The following FGF14 variants were observed in gnomAD, a reference collection of about 807,000 sequenced individuals.
FGF14 encodes the protein fibroblast growth factor 14.
FGF14 carries 5 observed loss-of-function variants against 25.5 expected under a neutral mutation model. That is an observed-to-expected ratio of 0.20 (90% CI 0.10 to 0.41). The LOEUF is 0.41. Among genes scored for constraint, FGF14 ranks in the 10% least tolerant of loss-of-function variants. The pLI, the probability that FGF14 is intolerant of heterozygous loss-of-function variation, is 1.00. For synonymous variants in FGF14, 138 were observed against 118.3 expected, an observed-to-expected ratio of 1.17 and a Z score of -1.08; for missense variants, 222 against 320.1, an observed-to-expected ratio of 0.69 and a Z score of 2.34.
In FGF14 at chr13:101,735,709, C is replaced by T. The variant is rs557884905; in HGVS notation, c.409-8899G>A. Among the ~76,000 whole-genome samples the T allele has an allele frequency of 6.8e-4, 103 of 151,688 alleles. 2 individuals carry two copies. The highest frequency in any genetic ancestry group is 2.3e-3 in the African/African-American group (97 of 41,402). On this transcript the variant is annotated intron_variant, in intron 3 of 4. Transcript: ENST00000376143. ...AAGCTCATTGTTGTTATTAACTCCCCAGGAAGGGGTAGAATGGGATGAGGG... is the reference window on the plus strand; with the variant it reads ...AAGCTCATTGTTGTTATTAACTCCCTAGGAAGGGGTAGAATGGGATGAGGG...
At chr13:102,224,806 C>T (rs2050762462) in intron 1 of FGF14, among the ~76,000 whole-genome samples, 1 of 152,092 alleles carries the variant, frequency 6.6e-6, no homozygotes, top group East Asian at 1.9e-4. Context: ...CCTTGATGAA[C>T]AATAATCATG....
chr13:102,208,183 G>A (rs1275947053), intron 1 of FGF14, among the ~76,000 whole-genome samples: 5 of 152,126 alleles, frequency 3.3e-5, no homozygotes, highest in Non-Finnish European at 4.4e-5. Context: ...AGGCAGAATC[G>A]CTCCACTCAA....
At chr13:102,355,877 T>A (rs561641332) in intron 1 of FGF14, among the ~76,000 whole-genome samples, 1 of 152,254 alleles carries the variant, frequency 6.6e-6, no homozygotes, top group African/African-American at 2.4e-5. Flanking sequence ...CAATTATAGA[T>A]TATCTTAGGA....
At chr13:102,182,344 G>T (rs2048710795) in intron 1 of FGF14, among the ~76,000 whole-genome samples, 2 of 152,140 alleles carry the variant, frequency 1.3e-5, no homozygotes, top group East Asian at 3.9e-4. Context: ...CTCTGGAGGG[G>T]CAGAGCCCTG....
chr13:102,032,903 A>C (rs1402753941), intron 1 of FGF14, among the ~76,000 whole-genome samples: 1 of 152,116 alleles, frequency 6.6e-6, no homozygotes, highest in Non-Finnish European at 1.5e-5. Context: ...AGCTTTCTTC[A>C]TGAAGCCTAC....
intron 1 of FGF14, among the ~76,000 whole-genome samples, chr13:102,075,526 TGCA>T (rs2043324530): frequency 6.6e-6 from 1 of 152,238 alleles, no homozygotes; most frequent in Admixed American, 6.5e-5. Context: ...ATGTAACACA[TGCA>T]ATTATGTACA....
intron 3 of FGF14, among the ~76,000 whole-genome samples, chr13:101,792,960 A>G (rs146730232): frequency 6.6e-6 from 1 of 152,266 alleles, no homozygotes; most frequent in Admixed American, 6.5e-5. Flanking sequence ...TGGAATTATT[A>G]AATCAAGCTA....
At chr13:101,765,721 TA>T (rs1317411583) in intron 3 of FGF14, among the ~76,000 whole-genome samples, 1 of 142,482 alleles carries the variant, frequency 7.0e-6, no homozygotes, top group Admixed American at 6.9e-5. Flanking sequence ...ATTATTATTT[TA>T]TTTATTTATT....
chr13:101,747,751 T>C (rs2036982148), intron 3 of FGF14, among the ~76,000 whole-genome samples: 1 of 151,872 alleles, frequency 6.6e-6, no homozygotes, highest in Non-Finnish European at 1.5e-5. Flanking sequence ...ACATGCAGAA[T>C]CTACAAGGAA....
At chr13:102,047,411 C>G (rs2042032654) in intron 1 of FGF14, among the ~76,000 whole-genome samples, 1 of 152,052 alleles carries the variant, frequency 6.6e-6, no homozygotes, top group Non-Finnish European at 1.5e-5. Context: ...AAAAAAATTA[C>G]TGGCCTGTTC....
intron 1 of FGF14, among the ~76,000 whole-genome samples, chr13:102,339,926 T>C (rs755636110): frequency 6.6e-6 from 1 of 152,200 alleles, no homozygotes; most frequent in Non-Finnish European, 1.5e-5. Flanking sequence ...CAATTCATTT[T>C]CCATTTTCCA....
chr13:101,836,647 T>C (rs370861571), intron 3 of FGF14, among the ~76,000 whole-genome samples: 13 of 152,232 alleles, frequency 8.5e-5, no homozygotes, highest in Admixed American at 5.2e-4. Flanking sequence ...TGTATTCATA[T>C]ACCTTATTAG....
intron 3 of FGF14, among the ~76,000 whole-genome samples, chr13:101,784,040 C>A (rs1416987602): frequency 6.6e-6 from 1 of 152,116 alleles, no homozygotes; most frequent in African/African-American, 2.4e-5. Context: ...TTTGTTCCAT[C>A]GGTCTGTGTG....
intron 3 of FGF14, among the ~76,000 whole-genome samples, chr13:101,805,556 A>G (rs2041147382): frequency 6.6e-6 from 1 of 152,166 alleles, no homozygotes; most frequent in Admixed American, 6.6e-5. Context: ...AGGGCACCAA[A>G]CATGTAGTGG....
intron 1 of FGF14, among the ~76,000 whole-genome samples, chr13:102,170,207 G>A (rs2140669698): frequency 6.6e-6 from 1 of 151,170 alleles, no homozygotes; most frequent in South Asian, 2.1e-4. Context: ...AAAAGAGGAG[G>A]TAAGGGTATT....
chr13:102,130,755 A>G (rs538119641), intron 1 of FGF14, among the ~76,000 whole-genome samples: 2 of 152,308 alleles, frequency 1.3e-5, no homozygotes, highest in South Asian at 2.1e-4. Flanking sequence ...ACCTGTCTTA[A>G]TCTAGGTTGT....
chr13:102,004,218 ATAAACT>A (rs1351090886), intron 1 of FGF14, among the ~76,000 whole-genome samples: 1 of 152,230 alleles, frequency 6.6e-6, no homozygotes, highest in Non-Finnish European at 1.5e-5. Flanking sequence ...GACATTCCTA[ATAAACT>A]TATACTTGAA....
At chr13:102,260,360 G>C (rs2141113749) in intron 1 of FGF14, among the ~76,000 whole-genome samples, 1 of 152,294 alleles carries the variant, frequency 6.6e-6, no homozygotes, top group South Asian at 2.1e-4. Context: ...GTTTGTTTCA[G>C]TGTCAAATGA....
intron 3 of FGF14, among the ~76,000 whole-genome samples, chr13:101,856,232 G>A (rs777390637): frequency 6.6e-6 from 1 of 151,726 alleles, no homozygotes; most frequent in Non-Finnish European, 1.5e-5. Context: ...GGTAAAAATT[G>A]TCTAGACAAC....
Sources: gnomAD v4.1 joint callset for allele counts (sites outside exome capture counted in the v4.1 genomes callset) on GRCh38, gnomAD v4.1.1 for gene constraint, MANE v1.5 for transcripts, NCBI Gene and HGNC (gene_info 2026-07-23, HGNC 2026-07-21) for gene names.